The following CCDC171 variants were observed in gnomAD, a reference collection of about 807,000 sequenced individuals.
The protein encoded by CCDC171 is coiled-coil domain-containing protein 171.
Under a neutral mutation model 168.2 loss-of-function variants are expected in CCDC171, and 177 were observed. That is an observed-to-expected ratio of 1.05 (90% CI 0.93 to 1.19). The LOEUF is 1.19. Among genes scored for constraint, CCDC171 ranks in the 50% most tolerant of loss-of-function variants. CCDC171 has a pLI of 0.00. For synonymous variants in CCDC171, 687 were observed against 540.8 expected (o/e 1.27, Z -3.75); for missense variants, 1,991 against 1,539.0 (o/e 1.29, Z -4.91).
At chr9:15,906,563 A>G (rs1266065343) in intron 24 of CCDC171, among the ~76,000 whole-genome samples, 1 of 152,210 alleles carries the variant, frequency 6.6e-6, no homozygotes, top group African/African-American at 2.4e-5. Flanking sequence ...CACAGCCAAT[A>G]TCATACTGAA....
At chr9:15,874,977 C>A (rs1817654222) in intron 24 of CCDC171, 1 of 173,592 alleles carries the variant, frequency 5.8e-6, no homozygotes, top group Non-Finnish European at 1.2e-5. Flanking sequence ...AGGCTGTTAC[C>A]TCTTTAAGCA....
Position 15,971,652 on chromosome 9 carries a change from C to G in CCDC171, c.3797C>G (p.Ala1266Gly), listed in dbSNP as rs149803460. The change falls in exon 26 of 26, where the codon GCT becomes GGT. Residue 1266 changes from alanine to glycine, a missense_variant. Transcript: ENST00000380701. ...TCAAATCTCTCCATTCCTTCAAGAG[C>G]TCCTCTTCCTGCTGACACAACTGGT... ...DHSNLSIPSR[A>G]PLPADTTGIG... 1.1e-5 allele frequency: 18 copies of G among 1,613,562 alleles called. No individual in the cohort carries two copies. In the South Asian group the frequency reaches 1.9e-4, roughly 17 times the overall value.
At chr9:15,859,606 C>A (rs1269879417) in intron 23 of CCDC171, among the ~76,000 whole-genome samples, 1 of 149,382 alleles carries the variant, frequency 6.7e-6, no homozygotes, top group Non-Finnish European at 1.5e-5. Context: ...TCTCTTTCTG[C>A]CTTTCCCCCT....
At chr9:15,993,155 G>A (rs1832254892) in intron 3 of CCDC171, among the ~76,000 whole-genome samples, 1 of 151,754 alleles carries the variant, frequency 6.6e-6, no homozygotes, top group African/African-American at 2.4e-5. Flanking sequence ...TAAGCCAAAA[G>A]AACAAAGCTG....
intron 7 of CCDC171, among the ~76,000 whole-genome samples, chr9:15,649,569 C>T (rs1013280214): frequency 3.3e-5 from 5 of 152,124 alleles, no homozygotes; most frequent in African/African-American, 4.8e-5. Context: ...ACAAACAACC[C>T]CATCCAAAAG....
intron 3 of CCDC171, among the ~76,000 whole-genome samples, chr9:16,000,503 G>T (rs1832508838): frequency 6.6e-6 from 1 of 152,178 alleles, no homozygotes; most frequent in Admixed American, 6.5e-5. Flanking sequence ...CTAATATGTT[G>T]AAGTGAGGTC....
chr9:16,015,394 C>G (rs1049519377), intron 3 of CCDC171, among the ~76,000 whole-genome samples: 2 of 152,066 alleles, frequency 1.3e-5, no homozygotes, highest in African/African-American at 4.8e-5. Context: ...CTGGTTTAGT[C>G]TTCTATGCAG....
chr9:15,623,504 C>CACACACACACAA, intron 7 of CCDC171, 91 bp downstream of exon 7: 1 of 669,096 alleles, frequency 1.5e-6, no homozygotes, highest in Non-Finnish European at 2.3e-6. Flanking sequence ...CACACACACA[C>CACACACACACAA]ACATAAAACC....
intron 11 of CCDC171, among the ~76,000 whole-genome samples, chr9:15,715,429 CT>C (rs377303289): frequency 4.1e-4 from 63 of 152,188 alleles, no homozygotes; most frequent in African/African-American, 1.3e-3. Context: ...TGTATTAGTG[CT>C]TTTAAAATGA....
intron 11 of CCDC171, among the ~76,000 whole-genome samples, chr9:15,699,114 C>T (rs2051464879): frequency 6.6e-6 from 1 of 152,034 alleles, no homozygotes; most frequent in African/African-American, 2.4e-5. Context: ...GGCAGCGTGT[C>T]CAGAGTTTGT....
the CCDC171 span, among the ~76,000 whole-genome samples, chr9:16,095,643 T>G: frequency 6.6e-6 from 1 of 151,796 alleles, no homozygotes; most frequent in Non-Finnish European, 1.5e-5. Flanking sequence ...CCCATAGAAA[T>G]GAAAGGAAGA....
chr9:15,799,052 ATTG>A (rs1250150871), intron 21 of CCDC171, among the ~76,000 whole-genome samples: 1 of 150,128 alleles, frequency 6.7e-6, no homozygotes, highest in Non-Finnish European at 1.5e-5. Flanking sequence ...TCCATACTAT[ATTG>A]TTATCATTTC....
the CCDC171 span, among the ~76,000 whole-genome samples, chr9:16,080,323 G>C: frequency 1.3e-5 from 2 of 152,008 alleles, no homozygotes; most frequent in Non-Finnish European, 2.9e-5. Flanking sequence ...AGTATGTTAG[G>C]GCTTTTGTGT....
intron 21 of CCDC171, among the ~76,000 whole-genome samples, chr9:15,821,778 A>AT (rs1226429143): frequency 8.6e-6 from 1 of 116,504 alleles, no homozygotes; most frequent in Non-Finnish European, 1.9e-5. Flanking sequence ...TTATACATTC[A>AT]ATGCCATCCC....
At chr9:15,687,841 G>A (rs938336946) in intron 10 of CCDC171, among the ~76,000 whole-genome samples, 2 of 152,158 alleles carry the variant, frequency 1.3e-5, no homozygotes, top group Non-Finnish European at 2.9e-5. Context: ...TATAAAATCC[G>A]TTGGGCGCAG....
intron 11 of CCDC171, among the ~76,000 whole-genome samples, chr9:15,717,758 G>A (rs1209770134): frequency 6.6e-6 from 1 of 152,164 alleles, no homozygotes; most frequent in Non-Finnish European, 1.5e-5. Flanking sequence ...CTGCCTTGAA[G>A]TGAAGGACCC....
At chr9:15,603,607 A>G (rs1003314006) in intron 6 of CCDC171, among the ~76,000 whole-genome samples, 4 of 152,188 alleles carry the variant, frequency 2.6e-5, no homozygotes, top group Non-Finnish European at 2.9e-5. Context: ...GCTGCATAGT[A>G]TTCTATGGTG....
At position 15,968,537 on chromosome 9, in the gene CCDC171, C is replaced by CT. The variant is rs35265243; in HGVS notation, c.3754-3051dup. Among the ~76,000 whole-genome samples the CT allele has an allele frequency of 2.5e-4, 22 of 88,764 alleles. 1 individual carries two copies. The highest frequency in any genetic ancestry group is 4.9e-4 in the African/African-American group (12 of 24,488). 58.2% of individuals were successfully genotyped at this position (88,764 alleles called of 152,430 possible). A position where few individuals can be genotyped will look rare whatever the true frequency, so the allele number is the denominator to read the frequency against. On this transcript the variant is annotated intron_variant, in intron 25 of 25. Coordinates refer to ENST00000380701, the MANE Select transcript of CCDC171 (RefSeq NM_173550.4). ...AAAGTTTCACCAGAATTGTTGCTGG[C>CT]TTTTTTTTTTTTTTTTTTTTTGAGA...
chr9:15,781,225 T>G (rs1312014382), intron 20 of CCDC171, among the ~76,000 whole-genome samples: 1 of 152,172 alleles, frequency 6.6e-6, no homozygotes, highest in East Asian at 1.9e-4. Context: ...TTTGATTAGT[T>G]TAGAAGTAGT....
Sources: allele counts gnomAD v4.1 joint callset (sites outside exome capture counted in the v4.1 genomes callset), GRCh38; gene constraint gnomAD v4.1.1; transcripts MANE v1.5; gene names NCBI Gene and HGNC (gene_info 2026-07-23, HGNC 2026-07-21).